Variants in HPSE2 observed in about 807,000 individuals in gnomAD.
HPSE2 encodes inactive heparanase-2.
Under a neutral mutation model 60.5 loss-of-function variants are expected in HPSE2, and 38 were observed. That is an observed-to-expected ratio of 0.63 (90% CI 0.48 to 0.82). The LOEUF (loss-of-function observed/expected upper bound fraction) is 0.82. Ranked by LOEUF, HPSE2 falls within the 40% of genes least tolerant of loss-of-function variation. The pLI, the probability that HPSE2 is intolerant of heterozygous loss-of-function variation, is 0.00. For missense variants in HPSE2, 713 were observed against 740.4 expected (o/e 0.96, Z 0.43); for synonymous variants, 295 against 293.2 (o/e 1.01, Z -0.06).
At chr10:98,509,246 G>A (rs980686211) in intron 9 of HPSE2, among the ~76,000 whole-genome samples, 17 of 151,886 alleles carry the variant, frequency 1.1e-4, no homozygotes, top group African/African-American at 1.2e-4. Context: ...CCCAGGAAGC[G>A]GGGGTTGCAG....
At chr10:99,294,167 T>C in the HPSE2 span, among the ~76,000 whole-genome samples, 1 of 151,760 alleles carries the variant, frequency 6.6e-6, no homozygotes, top group Non-Finnish European at 1.5e-5. Context: ...AATTAACACA[T>C]CTTAACACTC....
At chr10:98,713,525 G>C (rs1162989555) in intron 5 of HPSE2, among the ~76,000 whole-genome samples, 1 of 151,788 alleles carries the variant, frequency 6.6e-6, no homozygotes, top group African/African-American at 2.4e-5. Flanking sequence ...AAACATGTTA[G>C]TGGAACATTA....
chr10:98,933,351 T>C lies in HPSE2; in HGVS notation c.611-189295A>G, dbSNP rs953592253. 5.5e-5 allele frequency among the ~76,000 whole-genome samples: 8 copies of C among 144,174 alleles called. 1 individual carries two copies. The highest frequency in any genetic ancestry group is 1.2e-4 in the Non-Finnish European group (8 of 67,214). 94.6% of individuals were successfully genotyped at this position (144,174 alleles called of 152,430 possible). ...AGACTTATGATTTCAGTTCCTTTGC[T>C]GAGGAGTGTTTTACTTCCAATTATG... On this transcript the variant is annotated intron_variant, in intron 3 of 11. Coordinates refer to ENST00000370552, the MANE Select transcript of HPSE2 (RefSeq NM_021828.5).
At chr10:99,285,362 A>T in the HPSE2 span, among the ~76,000 whole-genome samples, 1 of 151,030 alleles carries the variant, frequency 6.6e-6, no homozygotes, top group African/African-American at 2.4e-5. Flanking sequence ...AGCCTGGAAG[A>T]TTGATGCTGC....
At chr10:99,186,306 A>G (rs1848021542) in intron 2 of HPSE2, among the ~76,000 whole-genome samples, 1 of 152,072 alleles carries the variant, frequency 6.6e-6, no homozygotes, top group Non-Finnish European at 1.5e-5. Flanking sequence ...GCACTTTGAG[A>G]GGCCAAGGCA....
At chr10:98,621,626 C>T (rs1057047561) in intron 7 of HPSE2, among the ~76,000 whole-genome samples, 2 of 152,232 alleles carry the variant, frequency 1.3e-5, no homozygotes, top group African/African-American at 2.4e-5. Flanking sequence ...CTGGCAAAAA[C>T]TCAGTCTCAC....
chr10:99,146,464 C>G (rs914342762), intron 2 of HPSE2, among the ~76,000 whole-genome samples: 9 of 152,214 alleles, frequency 5.9e-5, no homozygotes, highest in Non-Finnish European at 1.3e-4. Context: ...CTAAGAGAAA[C>G]TCAGTTTTTC....
chr10:98,917,666 CTTA>C (rs902944942), intron 3 of HPSE2, among the ~76,000 whole-genome samples: 3 of 152,212 alleles, frequency 2.0e-5, no homozygotes, highest in South Asian at 2.1e-4. Context: ...GGTACCTACC[CTTA>C]TTATTATTAT....
rs1445322438 is a variant in HPSE2, at chr10:98,482,658, C to T, written c.1591G>A (p.Gly531Arg). 12 of 1,614,176 alleles carry T rather than the reference C, an allele frequency of 7.4e-6. No individual in the cohort carries two copies. Among genetic ancestry groups the T allele is most frequent in the East Asian group, 6.7e-5 (3 of 44,878 alleles). The change falls in exon 11 of 12, where the codon GGG becomes AGG. Residue 531 changes from glycine (G) to arginine (R), a missense_variant. By Grantham distance (125) the Gly-to-Arg change is moderately radical. Transcript: ENST00000370552. ...LVHQYLLQPY[G>R]QEGLKSKSVQ... ...TACTTGGACTTTAGGCCCTCCTGCC[C>T]ATAGGGCTGCAGCAGGTACTGGTGA...
chr10:98,792,941 C>A (rs1421515884), intron 3 of HPSE2, among the ~76,000 whole-genome samples: 1 of 151,982 alleles, frequency 6.6e-6, no homozygotes, highest in African/African-American at 2.4e-5. Context: ...CAAATGCTTG[C>A]CTTAGCTCAT....
chr10:98,891,526 G>A (rs185810532), intron 3 of HPSE2, among the ~76,000 whole-genome samples: 11 of 152,184 alleles, frequency 7.2e-5, no homozygotes, highest in African/African-American at 2.4e-4. Context: ...ATGGCTCCCT[G>A]TAACATGGAA....
chr10:98,590,870 C>T (rs1457581697), intron 9 of HPSE2, among the ~76,000 whole-genome samples: 1 of 152,022 alleles, frequency 6.6e-6, no homozygotes, highest in Non-Finnish European at 1.5e-5. Context: ...AGTTTCTCTA[C>T]CTTTAAAAAA....
rs769287858 is a variant in HPSE2, at chr10:98,944,923, C to T, written c.610+199315G>A. 1.5e-4 allele frequency among the ~76,000 whole-genome samples: 23 copies of T among 152,174 alleles called. No homozygotes were observed. In the Middle Eastern group the frequency reaches 0.01, roughly 68 times the overall value. On this transcript the variant is annotated intron_variant, in intron 3 of 11. Coordinates refer to ENST00000370552, the MANE Select transcript of HPSE2 (RefSeq NM_021828.5). Reference sequence around the variant, plus strand: ...ACTGAGCACTATTCATTTTAATAACCGGGGAAACCATTATGCCTCTTTTTA... The same window carrying T: ...ACTGAGCACTATTCATTTTAATAACTGGGGAAACCATTATGCCTCTTTTTA...
intron 3 of HPSE2, among the ~76,000 whole-genome samples, chr10:98,892,744 T>C (rs930058635): frequency 6.6e-6 from 1 of 152,222 alleles, no homozygotes; most frequent in African/African-American, 2.4e-5. Context: ...TCACTTCCCC[T>C]GAATGATTTT....
chr10:98,705,455 A>G (rs1403124676), intron 5 of HPSE2, among the ~76,000 whole-genome samples: 1 of 152,234 alleles, frequency 6.6e-6, no homozygotes, highest in East Asian at 1.9e-4. Context: ...ACATATGCAC[A>G]TGTATGTTTA....
the HPSE2 span, among the ~76,000 whole-genome samples, chr10:99,260,871 C>T: frequency 6.6e-6 from 1 of 152,182 alleles, no homozygotes; most frequent in Non-Finnish European, 1.5e-5. Context: ...CTTCTTCTCC[C>T]TTAGCCTATG....
chr10:99,272,628 C>T, the HPSE2 span, among the ~76,000 whole-genome samples: 239 of 150,946 alleles, frequency 1.6e-3, no homozygotes, highest in Non-Finnish European at 2.8e-3. Context: ...ATAGACAATT[C>T]TTAAAAGAAG....
At chr10:99,268,192 A>G in the HPSE2 span, among the ~76,000 whole-genome samples, 1 of 152,238 alleles carries the variant, frequency 6.6e-6, no homozygotes, top group African/African-American at 2.4e-5. Context: ...GTTTGTATCC[A>G]GCAAAGAAGC....
chr10:98,765,923 T>A (rs1950109825), intron 3 of HPSE2, among the ~76,000 whole-genome samples: 3 of 151,214 alleles, frequency 2.0e-5, no homozygotes, highest in African/African-American at 7.3e-5. Context: ...GAAAAGCAAA[T>A]AAAATCTAAA....
Sources: allele counts gnomAD v4.1 joint callset (sites outside exome capture counted in the v4.1 genomes callset), GRCh38; gene constraint gnomAD v4.1.1; transcripts MANE v1.5; gene names NCBI Gene and HGNC (gene_info 2026-07-23, HGNC 2026-07-21).